COL21A1: variants seen among roughly 807,000 people sequenced by gnomAD.
COL21A1 encodes collagen alpha-1(XXI) chain.
Under a neutral mutation model 137.9 loss-of-function variants are expected in COL21A1, and 149 were observed. The observed-to-expected ratio is 1.08, with a 90% confidence interval of 0.95 to 1.24. COL21A1 has a LOEUF of 1.24. Among genes scored for constraint, COL21A1 ranks in the 50% most tolerant of loss-of-function variants. COL21A1 has a pLI of 0.00. For missense variants in COL21A1, 1,167 were observed against 1,158.4 expected (o/e 1.01, Z -0.11); for synonymous variants, 456 against 391.5 (o/e 1.16, Z -1.95).
intron 1 of COL21A1, among the ~76,000 whole-genome samples, chr6:56,230,355 C>T (rs1401528077): frequency 1.3e-5 from 2 of 151,840 alleles, no homozygotes; most frequent in Admixed American, 1.3e-4. Flanking sequence ...TATCATAAAG[C>T]AAACTCAATG....
intron 22 of COL21A1, among the ~76,000 whole-genome samples, chr6:56,068,349 G>C (rs1486527021): frequency 1.3e-5 from 2 of 151,506 alleles, no homozygotes. Context: ...CTTTTAACCT[G>C]AAACATTTGT....
intron 1 of COL21A1, among the ~76,000 whole-genome samples, chr6:56,376,533 A>G (rs1320488478): frequency 6.6e-6 from 1 of 152,096 alleles, no homozygotes; most frequent in African/African-American, 2.4e-5. Flanking sequence ...CTGCCAGAGA[A>G]CAAAGAGAGG....
chr6:56,297,950 C>T (rs1162947160), intron 1 of COL21A1, among the ~76,000 whole-genome samples: 1 of 151,970 alleles, frequency 6.6e-6, no homozygotes, highest in African/African-American at 2.4e-5. Context: ...TTCTCTAGAC[C>T]TTAGAAGGGG....
At chr6:56,269,900 C>T (rs191966452) in intron 1 of COL21A1, among the ~76,000 whole-genome samples, 10 of 152,096 alleles carry the variant, frequency 6.6e-5, no homozygotes, top group Non-Finnish European at 1.5e-4. Context: ...TCATCACAAC[C>T]AAATCAGACT....
intron 16 of COL21A1, among the ~76,000 whole-genome samples, chr6:56,122,197 C>A (rs916388468): frequency 2.7e-5 from 3 of 109,860 alleles, no homozygotes; most frequent in Non-Finnish European, 4.0e-5. Context: ...CCAGAATACA[C>A]AAATCTGCAC....
At chr6:56,353,035 G>C (rs772449139) in intron 1 of COL21A1, among the ~76,000 whole-genome samples, 1 of 151,678 alleles carries the variant, frequency 6.6e-6, no homozygotes, top group Non-Finnish European at 1.5e-5. Context: ...GCGAGACTCT[G>C]TTTCAAAGAA....
rs535512908 is a variant in COL21A1, at chr6:56,393,236, T to C, written c.-39+735A>G. Among the ~76,000 whole-genome samples, 86 of 152,108 alleles carry C rather than the reference T, an allele frequency of 5.7e-4. 1 individual carries two copies. Among genetic ancestry groups the C allele is most frequent in the South Asian group, 8.3e-4 (4 of 4,814 alleles). On this transcript the variant is annotated intron_variant, in intron 1 of 28. Coordinates refer to the COL21A1 transcript ENST00000370819. Reference sequence around the variant, plus strand: ...TCATTTTCAACAAAAATGCCAAGAATATAATTGGGGAAAGGACAGTCTCTT... The same window carrying C: ...TCATTTTCAACAAAAATGCCAAGAACATAATTGGGGAAAGGACAGTCTCTT...
chr6:56,131,241 A>G (rs568632915), intron 12 of COL21A1, among the ~76,000 whole-genome samples: 16 of 152,100 alleles, frequency 1.1e-4, no homozygotes, highest in Admixed American at 1.3e-4. Context: ...TGCAAAGGCA[A>G]ATAATGTATC....
At position 56,164,391 on chromosome 6, in the gene COL21A1, T is replaced by C. The variant is rs1280548065; in HGVS notation, c.1371+32A>G. ...TTTACCCAGCTCTTGTTTGTGTGTT[T>C]TAACAAAAACAGCAAGTTAGGTGTT... On this transcript the variant is annotated intron_variant, in intron 9 of 29. Transcript: ENST00000244728. 7.1e-6 allele frequency: 10 copies of C among 1,415,566 alleles called. No homozygotes were observed. The Admixed American group carries it at 1.4e-4, about 19-fold the overall frequency. The allele number at this position is 1,415,566 out of a possible 1,614,324, so 87.7% of individuals were successfully genotyped here. A position where few individuals can be genotyped will look rare whatever the true frequency, so the allele number is the denominator to read the frequency against.
At chr6:56,182,275 C>T (rs1374527528) in intron 2 of COL21A1, among the ~76,000 whole-genome samples, 1 of 152,130 alleles carries the variant, frequency 6.6e-6, no homozygotes, top group Non-Finnish European at 1.5e-5. Flanking sequence ...TGAACATGGA[C>T]TCAATACCAG....
At position 56,380,579 on chromosome 6, in the gene COL21A1, G is replaced by A. The variant is rs534832602; in HGVS notation, c.-39+13392C>T. On this transcript the variant is annotated intron_variant, in intron 1 of 28. Coordinates refer to the COL21A1 transcript ENST00000370819. ...GTCACTCACAGACAGGCACAGAGCA[G>A]CAAAACATTTGTTAGCTGAGGTCAA... 3.3e-5 allele frequency among the ~76,000 whole-genome samples: 5 copies of A among 152,294 alleles called. No individual in the cohort carries two copies. The South Asian group carries it at 1.0e-3, about 32-fold the overall frequency.
At chr6:56,276,381 A>G in intron 1 of COL21A1, 2 of 531,874 alleles carry the variant, frequency 3.8e-6, no homozygotes, top group South Asian at 4.4e-5. Flanking sequence ...ATCTCAAATA[A>G]AAGTTGAAAT....
At chr6:56,059,885 T>A (rs1765646536) in intron 28 of COL21A1, 133 bp downstream of exon 28, 1 of 597,398 alleles carries the variant, frequency 1.7e-6, no homozygotes, top group Non-Finnish European at 2.8e-6. Flanking sequence ...AGTTGGCAAA[T>A]TATTTAAAGA....
At chr6:56,285,061 A>G (rs1475654115) in intron 1 of COL21A1, among the ~76,000 whole-genome samples, 2 of 152,198 alleles carry the variant, frequency 1.3e-5, no homozygotes, top group Non-Finnish European at 1.5e-5. Context: ...TTTGGTGTTT[A>G]TGTCCCCAAT....
At position 56,099,006 on chromosome 6, in the gene COL21A1, C is replaced by T. The variant is rs1182709043; in HGVS notation, c.1812+2466G>A. 3.3e-5 allele frequency among the ~76,000 whole-genome samples: 5 copies of T among 150,872 alleles called. No individual in the cohort carries two copies. In the East Asian group the frequency reaches 8.0e-4, roughly 24 times the overall value. ...CTGGGATTACAGGCGTGAGCCACTG[C>T]ACCCGGCCTATGTTTAATATTTCTT... On this transcript the variant is annotated intron_variant, in intron 17 of 29. Coordinates refer to ENST00000244728, the MANE Select transcript of COL21A1 (RefSeq NM_030820.4).
At chr6:56,067,070 T>G (rs1766326382) in intron 23 of COL21A1, among the ~76,000 whole-genome samples, 1 of 151,106 alleles carries the variant, frequency 6.6e-6, no homozygotes, top group African/African-American at 2.4e-5. Flanking sequence ...TATGTCTTTA[T>G]TTTGTTGAAT....
chr6:56,168,829 C>T (rs1468147872), intron 5 of COL21A1, among the ~76,000 whole-genome samples: 1 of 151,884 alleles, frequency 6.6e-6, no homozygotes, highest in Non-Finnish European at 1.5e-5. Context: ...CCCTCTTTGA[C>T]TCATCCATTC....
At chr6:56,152,465 A>C (rs1775398462) in intron 10 of COL21A1, among the ~76,000 whole-genome samples, 1 of 152,172 alleles carries the variant, frequency 6.6e-6, no homozygotes, top group Non-Finnish European at 1.5e-5. Context: ...TTCCTACCAC[A>C]GTTGTGTTTT....
chr6:56,176,519 A>G (rs915957364), intron 3 of COL21A1, among the ~76,000 whole-genome samples: 1 of 151,996 alleles, frequency 6.6e-6, no homozygotes, highest in Non-Finnish European at 1.5e-5. Flanking sequence ...AAAATGTCCA[A>G]CATCACTAAT....
Sources: gnomAD v4.1 joint callset for allele counts (sites outside exome capture counted in the v4.1 genomes callset) on GRCh38, gnomAD v4.1.1 for gene constraint, MANE v1.5 for transcripts, NCBI Gene and HGNC (gene_info 2026-07-23, HGNC 2026-07-21) for gene names.